SLC25A42: variants seen among roughly 807,000 people sequenced by gnomAD.
The protein encoded by SLC25A42 is solute carrier family 25 member 42.
In SLC25A42, 19 loss-of-function variants were observed where a neutral mutation model predicts 34.7. The observed-to-expected ratio is 0.55, with a 90% CI of 0.38 to 0.80. The LOEUF (loss-of-function observed/expected upper bound fraction) is 0.80. Ranked by LOEUF, SLC25A42 falls within the 30% of genes least tolerant of loss-of-function variation. The pLI is 0.00. For missense variants in SLC25A42, 364 were observed against 441.3 expected (o/e 0.82, Z 1.57); for synonymous variants, 205 against 191.2 (o/e 1.07, Z -0.59).
rs561264257 is a variant in SLC25A42 at position 19,106,260 on chromosome 19, C to T, written c.381-9C>T. ...CTGCCGTCTCGCCTTCTCCTCCTGC[C>T]CTGTTCAGAGCCCTGCCCCCTTGGC... On this transcript the variant is annotated splice_polypyrimidine_tract_variant and intron_variant, in intron 5 of 7. Transcript: ENST00000318596. 3 of 1,608,772 alleles carry T rather than the reference C, an allele frequency of 1.9e-6. No homozygotes were observed. The highest frequency in any genetic ancestry group is 1.3e-5 in the African/African-American group (1 of 75,010).
chr19:19,064,442 C>T (rs373382773), intron 1 of SLC25A42, among the ~76,000 whole-genome samples: 1 of 138,442 alleles, frequency 7.2e-6, no homozygotes, highest in Non-Finnish European at 1.6e-5. Context: ...CGCCCCCACT[C>T]ACGAACACCC....
At chr19:19,096,441 C>T (rs891924969) in intron 2 of SLC25A42, among the ~76,000 whole-genome samples, 4 of 152,022 alleles carry the variant, frequency 2.6e-5, no homozygotes, top group Non-Finnish European at 4.4e-5. Flanking sequence ...TCTGCTCCCA[C>T]GGCCCCAAAT....
At chr19:19,064,497 G>A (rs1023636257) in intron 1 of SLC25A42, among the ~76,000 whole-genome samples, 1 of 120,682 alleles carries the variant, frequency 8.3e-6, no homozygotes, top group African/African-American at 3.3e-5. Context: ...GTCTGTCCTT[G>A]TCGATGACAC....
intron 2 of SLC25A42, among the ~76,000 whole-genome samples, chr19:19,100,447 C>T (rs1424403809): frequency 3.3e-5 from 5 of 152,140 alleles, no homozygotes; most frequent in African/African-American, 1.2e-4. Flanking sequence ...TTTCTCTTCT[C>T]TGGGCCCCCT....
intron 1 of SLC25A42, among the ~76,000 whole-genome samples, chr19:19,086,481 A>C (rs2059709097): frequency 6.6e-6 from 1 of 152,176 alleles, no homozygotes; most frequent in Non-Finnish European, 1.5e-5. Flanking sequence ...GAGGCCACGC[A>C]AACACCCTAT....
At chr19:19,102,014 G>GT (rs375720887) in intron 3 of SLC25A42, 128 bp downstream of exon 3, 82,563 of 486,046 alleles carry the variant, frequency 0.17, 3 homozygotes, top group South Asian at 0.24. Flanking sequence ...GTTTTTTGTT[G>GT]TTTTTTTTTT....
chr19:19,106,109 C>T, intron 5 of SLC25A42, 160 bp from the exon 6 acceptor site: 1 of 634,760 alleles, frequency 1.6e-6, no homozygotes, highest in Non-Finnish European at 2.8e-6. Flanking sequence ...ACTCCAGAGA[C>T]CCCATCAGCT....
intron 1 of SLC25A42, among the ~76,000 whole-genome samples, chr19:19,071,666 AGACCAGCCT>A (rs1030945604): frequency 2.6e-5 from 4 of 152,154 alleles, no homozygotes; most frequent in African/African-American, 9.7e-5. Flanking sequence ...CAGGAGTTTG[AGACCAGCCT>A]GGCCAACATG....
Position 19,084,930 on chromosome 19 carries a change from C to CAA in SLC25A42, c.-34-11145_-34-11144dup, listed in dbSNP as rs796897868. On this transcript the variant is annotated intron_variant, in intron 1 of 7. Coordinates refer to ENST00000318596, the MANE Select transcript of SLC25A42 (RefSeq NM_178526.5). ...TGGGCAACATAGCGAGACCCCATCT[C>CAA]AAAAAAAAAAAAAAAAAGGTGGGGG... is the stretch of plus-strand genomic sequence containing the variant. Among the ~76,000 whole-genome samples, 39 of 94,058 alleles carry CAA rather than the reference C, an allele frequency of 4.1e-4. 1 individual carries two copies. The highest frequency in any genetic ancestry group is 8.2e-4 in the African/African-American group (22 of 26,842). The allele number at this position is 94,058 out of a possible 152,430, so 61.7% of individuals were successfully genotyped here.
At chr19:19,104,774 C>A in intron 3 of SLC25A42, 139 bp from the exon 4 acceptor site, 1 of 921,660 alleles carries the variant, frequency 1.1e-6, no homozygotes, top group Non-Finnish European at 1.7e-6. Flanking sequence ...GCTTGGGTGT[C>A]AGCTCAGCTC....
At chr19:19,099,959 C>T (rs1263939106) in intron 2 of SLC25A42, among the ~76,000 whole-genome samples, 1 of 151,830 alleles carries the variant, frequency 6.6e-6, no homozygotes, top group African/African-American at 2.4e-5. Context: ...AACTCCTGAC[C>T]TCACGTGATC....
chr19:19,076,898 G>A lies in SLC25A42; in HGVS notation c.-35+12783G>A, dbSNP rs1188116456. Among the ~76,000 whole-genome samples, 4 of 152,124 alleles carry A rather than the reference G, an allele frequency of 2.6e-5. No homozygotes were observed. In the East Asian group the frequency reaches 7.7e-4, roughly 29 times the overall value. ...TGTACTTACGTTTCTTAAAAATTGT[G>A]GTGGGCTGTGTGCAATGGCTCATGT... is the stretch of plus-strand genomic sequence containing the variant. On this transcript the variant is annotated intron_variant, in intron 1 of 7. Coordinates refer to ENST00000318596, the MANE Select transcript of SLC25A42 (RefSeq NM_178526.5).
Position 19,105,889 on chromosome 19 carries a change from G to T in SLC25A42, c.380+162G>T, listed in dbSNP as rs1309189766. The T allele has an allele frequency of 1.9e-5, 12 of 642,828 alleles. No homozygotes were observed. The East Asian group carries it at 3.4e-4, about 18-fold the overall frequency. 39.8% of individuals were successfully genotyped at this position (642,828 alleles called of 1,614,324 possible). A position where few individuals can be genotyped will look rare whatever the true frequency, so the allele number is the denominator to read the frequency against. On this transcript the variant is annotated intron_variant, in intron 5 of 7. Coordinates refer to ENST00000318596, the MANE Select transcript of SLC25A42 (RefSeq NM_178526.5). ...GGAGACTCCTCACCCAGGCCCTCCT[G>T]AGGGACCCCCTGACTCTGTCACATG... is the stretch of plus-strand genomic sequence containing the variant.
intron 1 of SLC25A42, among the ~76,000 whole-genome samples, chr19:19,079,494 T>C (rs2145903689): frequency 6.6e-6 from 1 of 152,310 alleles, no homozygotes; most frequent in African/African-American, 2.4e-5. Context: ...GGGCATTTCA[T>C]ATCAATGGAA....
chr19:19,108,596 A>G (rs755802043), intron 7 of SLC25A42, among the ~76,000 whole-genome samples: 3 of 151,598 alleles, frequency 2.0e-5, no homozygotes, highest in Non-Finnish European at 4.4e-5. Context: ...TGTCACCTAG[A>G]GCATTGATAC....
chr19:19,084,031 C>A (rs1206562223), intron 1 of SLC25A42, among the ~76,000 whole-genome samples: 1 of 146,444 alleles, frequency 6.8e-6, no homozygotes, highest in Non-Finnish European at 1.5e-5. Flanking sequence ...CCTGCAGGCA[C>A]CTCCAGGGCC....
At position 19,106,337 on chromosome 19, in the gene SLC25A42, AC is replaced by A; in HGVS notation, c.454del (p.Leu152TrpfsTer10). On this transcript the variant is annotated frameshift_variant, in exon 6 of 8. Transcript: ENST00000318596. LOFTEE classifies it high-confidence loss of function. ...GGAACGACAGCCGCTTCACTGACCT[AC>A]CCCCTGGACCTGGTCAGAGCGCGGA... Reference protein sequence around the residue: ...LAGTTAASLTYPLDLVRARMA... With the variant: ...LAGTTAASLTXPLDLVRARMA... 1 of 1,612,412 alleles carries A rather than the reference AC, an allele frequency of 6.2e-7. No homozygotes were observed. Among genetic ancestry groups the A allele is most frequent in the Non-Finnish European group, 8.5e-7 (1 of 1,179,722 alleles).
At chr19:19,082,216 G>A (rs1239144717) in intron 1 of SLC25A42, among the ~76,000 whole-genome samples, 1 of 152,192 alleles carries the variant, frequency 6.6e-6, no homozygotes, top group Non-Finnish European at 1.5e-5. Flanking sequence ...TAAAATGGGA[G>A]TGCAGGGCTG....
At chr19:19,074,688 A>T in intron 1 of SLC25A42, among the ~76,000 whole-genome samples, 1 of 151,680 alleles carries the variant, frequency 6.6e-6, no homozygotes. Context: ...TGTGTGTGAC[A>T]GTGTGTGTGA....
Sources: allele counts gnomAD v4.1 joint callset (sites outside exome capture counted in the v4.1 genomes callset), GRCh38; gene constraint gnomAD v4.1.1; transcripts MANE v1.5; gene names NCBI Gene and HGNC (gene_info 2026-07-23, HGNC 2026-07-21).